Variants in UBR3 observed in about 807,000 individuals in gnomAD.
UBR3 encodes ubiquitin protein ligase E3 component n-recognin 3.
Under a neutral mutation model 243.2 loss-of-function variants are expected in UBR3, and 85 were observed. The ratio of observed to expected loss-of-function variants is 0.35; its 90% CI spans 0.29 to 0.42. UBR3 has a LOEUF of 0.42. Ranked by LOEUF, UBR3 falls within the 10% of genes least tolerant of loss-of-function variation. The pLI is 1.00. For synonymous variants in UBR3, 748 were observed against 799.8 expected, an observed-to-expected ratio of 0.94 and a Z score of 1.09; for missense variants, 1,686 against 2,300.8, an observed-to-expected ratio of 0.73 and a Z score of 5.47.
chr2:170,064,882 G>A (rs536919357), intron 35 of UBR3, among the ~76,000 whole-genome samples: 116 of 139,176 alleles, frequency 8.3e-4, no homozygotes, highest in African/African-American at 2.8e-3. Flanking sequence ...TCGCTTTGTC[G>A]CCCAGGCTGG....
At chr2:169,885,318 A>G (rs1320113317) in intron 5 of UBR3, among the ~76,000 whole-genome samples, 1 of 152,242 alleles carries the variant, frequency 6.6e-6, no homozygotes, top group East Asian at 1.9e-4. Context: ...GCAGTAGCTC[A>G]TGCCTGTAAT....
intron 31 of UBR3, among the ~76,000 whole-genome samples, chr2:170,040,373 T>C (rs1038021356): frequency 2.0e-5 from 3 of 152,174 alleles, no homozygotes; most frequent in Non-Finnish European, 4.4e-5. Flanking sequence ...CACAAAGTGC[T>C]GGGATTACAG....
intron 3 of UBR3, among the ~76,000 whole-genome samples, chr2:169,876,904 C>T (rs138020436): frequency 1.3e-5 from 2 of 152,104 alleles, no homozygotes; most frequent in African/African-American, 2.4e-5. Flanking sequence ...GAAGTGATCC[C>T]CTTTCTTTAA....
At chr2:169,865,301 T>C (rs2083221878) in intron 1 of UBR3, among the ~76,000 whole-genome samples, 1 of 152,174 alleles carries the variant, frequency 6.6e-6, no homozygotes, top group Non-Finnish European at 1.5e-5. Context: ...GAGCATCTGC[T>C]ATGTTAAATG....
chr2:170,023,521 T>A (rs2090447116), intron 30 of UBR3, among the ~76,000 whole-genome samples: 1 of 152,102 alleles, frequency 6.6e-6, no homozygotes, highest in Admixed American at 6.5e-5. Flanking sequence ...GCAATTCTCC[T>A]GCCTCAGCCT....
intron 30 of UBR3, among the ~76,000 whole-genome samples, chr2:170,021,153 A>G (rs1156321146): frequency 1.3e-5 from 2 of 152,132 alleles, no homozygotes; most frequent in African/African-American, 4.8e-5. Context: ...TTTATAATAT[A>G]TATTCTAGTT....
intron 1 of UBR3, among the ~76,000 whole-genome samples, chr2:169,839,709 A>T (rs1183074898): frequency 1.3e-5 from 2 of 152,220 alleles, no homozygotes; most frequent in Non-Finnish European, 2.9e-5. Flanking sequence ...AGGCAAGCAC[A>T]GATGTGTTCA....
chr2:169,878,650 C>G (rs974494920), intron 5 of UBR3, 76 bp downstream of exon 5: 4 of 1,256,670 alleles, frequency 3.2e-6, no homozygotes, highest in Non-Finnish European at 4.5e-6. Flanking sequence ...TTTTATACTT[C>G]TTTATAGTTC....
chr2:169,827,761 C>T lies in UBR3; in HGVS notation c.254C>T (p.Ala85Val). The change falls in exon 1 of 39, where the codon GCG (alanine) becomes GTG (valine). Residue 85 changes from alanine (A) to valine (V), a missense_variant. Ala to Val is a moderately conservative substitution (Grantham distance 64, BLOSUM62 0). Around this residue, in one of 8 missense-constraint regions of UBR3, gnomAD observed 145 missense variants for 243.8 expected, o/e 0.59. Transcript: ENST00000272793. ...GCCGGAGGCGGGGGCGGTCCGGGGG[C>T]GGCCGAGGAGGAGGCCCTGGAGTGG... The part of the protein sequence containing the change: ...AAAGGGGGPG[A>V]AEEEALEWCK... 3 of 1,292,858 alleles carry T rather than the reference C, an allele frequency of 2.3e-6. No homozygotes were observed. Among genetic ancestry groups the T allele is most frequent in the Admixed American group, 6.8e-5 (2 of 29,614 alleles). The allele number at this position is 1,292,858 out of a possible 1,614,324, so 80.1% of individuals were successfully genotyped here. A position where few individuals can be genotyped will look rare whatever the true frequency, so the allele number is the denominator to read the frequency against.
chr2:169,838,168 A>G (rs2082168295), intron 1 of UBR3, among the ~76,000 whole-genome samples: 1 of 152,178 alleles, frequency 6.6e-6, no homozygotes, highest in Non-Finnish European at 1.5e-5. Flanking sequence ...AGAAAGATAC[A>G]TGTTCAAGTA....
intron 6 of UBR3, among the ~76,000 whole-genome samples, chr2:169,892,792 A>G (rs1255530725): frequency 6.6e-6 from 1 of 152,206 alleles, no homozygotes; most frequent in Admixed American, 6.5e-5. Flanking sequence ...GCCAGACACT[A>G]TGCTAACCTC....
intron 32 of UBR3, among the ~76,000 whole-genome samples, chr2:170,053,020 T>C (rs6751587): frequency 0.28 from 42,592 of 152,054 alleles, 6,220 homozygotes; most frequent in South Asian, 0.42. Context: ...AAGATCATTC[T>C]GGCTGGAATA....
chr2:169,865,393 G>C (rs2083224975), intron 1 of UBR3, among the ~76,000 whole-genome samples: 1 of 152,020 alleles, frequency 6.6e-6, no homozygotes, highest in African/African-American at 2.4e-5. Flanking sequence ...ATCCACTTTG[G>C]ACAGTTCTGC....
chr2:170,039,423 G>C (rs2090911020), intron 31 of UBR3, among the ~76,000 whole-genome samples: 1 of 151,992 alleles, frequency 6.6e-6, no homozygotes, highest in Non-Finnish European at 1.5e-5. Flanking sequence ...AGAGAGGCTA[G>C]ATAAACTTGA....
intron 4 of UBR3, among the ~76,000 whole-genome samples, 151 bp downstream of exon 4, chr2:169,877,788 A>T (rs1450462786): frequency 6.6e-6 from 1 of 152,248 alleles, no homozygotes; most frequent in Non-Finnish European, 1.5e-5. Flanking sequence ...GTAAAAATTT[A>T]GAGGCAAAAA....
chr2:169,853,713 G>C (rs1220469466), intron 1 of UBR3, among the ~76,000 whole-genome samples: 1 of 151,976 alleles, frequency 6.6e-6, no homozygotes, highest in Non-Finnish European at 1.5e-5. Context: ...GCCTCCCAAA[G>C]TGCTGGGATT....
At chr2:170,032,745 A>G (rs981236458) in intron 31 of UBR3, among the ~76,000 whole-genome samples, 5 of 152,030 alleles carry the variant, frequency 3.3e-5, no homozygotes, top group Admixed American at 1.3e-4. Flanking sequence ...GCATAGTATG[A>G]GGAGGCACAT....
At chr2:170,040,841 G>A (rs746671204) in intron 31 of UBR3, 41 bp from the exon 32 acceptor site, 1 of 1,414,656 alleles carries the variant, frequency 7.1e-7, no homozygotes, top group Non-Finnish European at 9.9e-7. Context: ...AGAAAGAGAA[G>A]ATATACAATA....
At chr2:169,940,687 T>C (rs1389825774) in intron 19 of UBR3, among the ~76,000 whole-genome samples, 1 of 152,204 alleles carries the variant, frequency 6.6e-6, no homozygotes, top group Non-Finnish European at 1.5e-5. Context: ...TATCCTTTAC[T>C]ATGGTTGTAG....
Sources: allele counts gnomAD v4.1 joint callset (sites outside exome capture counted in the v4.1 genomes callset), GRCh38; gene constraint gnomAD v4.1.1; regional missense constraint gnomAD v4.1.1; transcripts MANE v1.5; gene names NCBI Gene and HGNC (gene_info 2026-07-23, HGNC 2026-07-21).